Variants in MTUS2 observed in about 807,000 individuals in gnomAD.
The protein encoded by MTUS2 is microtubule associated scaffold protein 2, also known as microtubule-associated tumor suppressor candidate 2.
In MTUS2, 40 loss-of-function variants were observed where a neutral mutation model predicts 114.1. The ratio of observed to expected loss-of-function variants is 0.35; its 90% CI spans 0.27 to 0.46. MTUS2 has a LOEUF of 0.46. Among genes scored for constraint, MTUS2 ranks in the 20% least tolerant of loss-of-function variants. The pLI is 1.00. For missense variants in MTUS2, 1,679 were observed against 1,705.4 expected (o/e 0.98, Z 0.27); for synonymous variants, 688 against 672.0 (o/e 1.02, Z -0.37).
chr13:28,985,731 A>G (rs985860497), intron 2 of MTUS2, among the ~76,000 whole-genome samples: 5 of 152,136 alleles, frequency 3.3e-5, no homozygotes, highest in African/African-American at 1.2e-4. Flanking sequence ...CTGTGAGGGT[A>G]TTTTTGGATG....
At chr13:29,014,862 T>TA (rs915090369) in intron 2 of MTUS2, among the ~76,000 whole-genome samples, 1 of 152,188 alleles carries the variant, frequency 6.6e-6, no homozygotes, top group African/African-American at 2.4e-5. Context: ...AATGGCTCGT[T>TA]AGAGAAGCAA....
At chr13:28,860,832 T>C (rs1348025948) in intron 2 of MTUS2, among the ~76,000 whole-genome samples, 1 of 152,210 alleles carries the variant, frequency 6.6e-6, no homozygotes, top group East Asian at 1.9e-4. Flanking sequence ...TGTGACAGTG[T>C]ATGTCCCTCG....
intron 6 of MTUS2, chr13:29,307,187 A>G: frequency 1.9e-6 from 1 of 524,730 alleles, no homozygotes; most frequent in South Asian, 1.7e-5. Context: ...GGCGTGACCC[A>G]TGAGAATTAT....
intron 7 of MTUS2, among the ~76,000 whole-genome samples, chr13:29,349,723 A>G (rs560311257): frequency 1.3e-5 from 2 of 152,038 alleles, no homozygotes; most frequent in South Asian, 4.1e-4. Context: ...TCTAGTGGAA[A>G]ATCTGCTGTT....
chr13:29,493,046 G>A (rs1246113208), intron 12 of MTUS2, among the ~76,000 whole-genome samples: 1 of 152,234 alleles, frequency 6.6e-6, no homozygotes, highest in African/African-American at 2.4e-5. Context: ...TTCAAAGCAA[G>A]AGGAGGACTG....
intron 5 of MTUS2, among the ~76,000 whole-genome samples, chr13:29,212,805 C>G (rs1205544598): frequency 6.6e-6 from 1 of 152,244 alleles, no homozygotes; most frequent in Middle Eastern, 3.2e-3. Context: ...GATGCATTCA[C>G]CAACCCAGAA....
chr13:28,942,230 T>C (rs1231996565), intron 2 of MTUS2, among the ~76,000 whole-genome samples: 1 of 152,124 alleles, frequency 6.6e-6, no homozygotes, highest in Non-Finnish European at 1.5e-5. Flanking sequence ...TAAATAAAGA[T>C]GCTCAACCTC....
At chr13:29,031,270 G>GTGTGTGTGTGTGTGTGT (rs1555287201) in intron 3 of MTUS2, among the ~76,000 whole-genome samples, 8 of 22,414 alleles carry the variant, frequency 3.6e-4, no homozygotes, top group Admixed American at 5.5e-4. Flanking sequence ...GTGTGTGTGT[G>GTGTGTGTGTGTGTGTGT]GTGTGTGTTC....
At chr13:28,878,060 G>T (rs1266218351) in intron 2 of MTUS2, among the ~76,000 whole-genome samples, 2 of 152,148 alleles carry the variant, frequency 1.3e-5, no homozygotes, top group Non-Finnish European at 2.9e-5. Context: ...GTGGCTGGTG[G>T]ATTAGGGTGC....
chr13:28,932,189 CAG>C (rs2138093627), intron 2 of MTUS2, among the ~76,000 whole-genome samples: 1 of 152,252 alleles, frequency 6.6e-6, no homozygotes, highest in South Asian at 2.1e-4. Flanking sequence ...AGAGGCAGCA[CAG>C]AGAGTGGAAA....
intron 5 of MTUS2, among the ~76,000 whole-genome samples, chr13:29,249,737 T>G (rs1263864708): frequency 6.6e-6 from 1 of 152,214 alleles, no homozygotes; most frequent in Non-Finnish European, 1.5e-5. Context: ...TCCAAAAATT[T>G]TCTCCCATTC....
chr13:29,358,848 T>C (rs959254479), intron 7 of MTUS2, among the ~76,000 whole-genome samples: 6 of 152,080 alleles, frequency 3.9e-5, no homozygotes, highest in Non-Finnish European at 5.9e-5. Flanking sequence ...CGAGGTGTTA[T>C]TCTCTGGTGC....
At chr13:29,164,176 A>T (rs1893217673) in intron 5 of MTUS2, among the ~76,000 whole-genome samples, 1 of 152,182 alleles carries the variant, frequency 6.6e-6, no homozygotes, top group Non-Finnish European at 1.5e-5. Context: ...ACTAGAAAAT[A>T]AAACAGTGTG....
chr13:29,404,624 T>TA (rs1394195576), intron 8 of MTUS2, among the ~76,000 whole-genome samples: 2 of 152,188 alleles, frequency 1.3e-5, no homozygotes, highest in Non-Finnish European at 2.9e-5. Context: ...CGAGGTCACC[T>TA]AACTGGTAAA....
intron 1 of MTUS2, among the ~76,000 whole-genome samples, chr13:28,823,697 G>C (rs1479275533): frequency 1.3e-5 from 2 of 152,202 alleles, no homozygotes; most frequent in Non-Finnish European, 2.9e-5. Context: ...TGAAAACACT[G>C]TAGCATGGTG....
At chr13:29,492,513 C>T in intron 11 of MTUS2, 133 bp from the exon 12 acceptor site, 1 of 631,162 alleles carries the variant, frequency 1.6e-6, no homozygotes, top group Non-Finnish European at 2.8e-6. Context: ...TGGAGGAGTC[C>T]CCTTAGGCTT....
At chr13:29,237,828 C>T (rs569737114) in intron 5 of MTUS2, among the ~76,000 whole-genome samples, 1 of 152,132 alleles carries the variant, frequency 6.6e-6, no homozygotes, top group Non-Finnish European at 1.5e-5. Flanking sequence ...CTTCATTAAT[C>T]ATCATGGAAA....
At chr13:29,475,919 A>G (rs1445482356) in intron 9 of MTUS2, among the ~76,000 whole-genome samples, 1 of 152,192 alleles carries the variant, frequency 6.6e-6, no homozygotes, top group Non-Finnish European at 1.5e-5. Context: ...AGTCTATAGT[A>G]GTGTACAGTC....
At chr13:29,359,165 A>G in intron 7 of MTUS2, 97 bp from the exon 8 acceptor site, 1 of 1,165,698 alleles carries the variant, frequency 8.6e-7, no homozygotes, top group Non-Finnish European at 1.2e-6. Flanking sequence ...TTTCTTCTCT[A>G]CCACTTGAAG....
Sources: gnomAD v4.1 joint callset for allele counts (sites outside exome capture counted in the v4.1 genomes callset) on GRCh38, gnomAD v4.1.1 for gene constraint, MANE v1.5 for transcripts, NCBI Gene and HGNC (gene_info 2026-07-23, HGNC 2026-07-21) for gene names.